Variants in LINGO2 observed in about 807,000 individuals in gnomAD.
The protein encoded by LINGO2 is leucine-rich repeat and immunoglobulin-like domain-containing nogo receptor-interacting protein 2.
A neutral mutation model predicts 30.6 loss-of-function variants in LINGO2; 14 were observed. The observed-to-expected ratio is 0.46, with a 90% confidence interval of 0.30 to 0.72. The LOEUF is 0.72. Ranked by LOEUF, LINGO2 falls within the 30% of genes least tolerant of loss-of-function variation. The pLI, the probability that LINGO2 is intolerant of heterozygous loss-of-function variation, is 0.07. For missense variants in LINGO2, 729 were observed against 751.7 expected (o/e 0.97, Z 0.35); for synonymous variants, 317 against 288.5 (o/e 1.10, Z -1.00).
chr9:27,944,686 A>G (rs1035895054), downstream of LINGO2, among the ~76,000 whole-genome samples: 1 of 152,202 alleles, frequency 6.6e-6, no homozygotes, highest in Non-Finnish European at 1.5e-5. Flanking sequence ...AACCAGGCAC[A>G]TGATGTATGA....
chr9:27,974,701 C>G (rs2118817738), intron 5 of LINGO2, among the ~76,000 whole-genome samples: 1 of 152,124 alleles, frequency 6.6e-6, no homozygotes, highest in East Asian at 1.9e-4. Flanking sequence ...GCTTAACAAA[C>G]AGGGAGCAGG....
At chr9:28,869,375 C>G in the LINGO2 span, among the ~76,000 whole-genome samples, 2 of 151,872 alleles carry the variant, frequency 1.3e-5, no homozygotes, top group Non-Finnish European at 2.9e-5. Context: ...TCAAAAGAGA[C>G]GAAGCCTGAC....
Position 28,472,998 on chromosome 9 carries a change from A to G in LINGO2, c.-279+2942T>C, listed in dbSNP as rs540865619. On this transcript the variant is annotated intron_variant, in intron 2 of 5. Coordinates refer to ENST00000379992, the Ensembl canonical transcript of LINGO2. ...CTAAAACATTTTTTCTGCTTTCTGT[A>G]TTAACTCTTGCTTTATATATGCTTT... Among the ~76,000 whole-genome samples, 18 of 152,262 alleles carry G rather than the reference A, an allele frequency of 1.2e-4. No homozygotes were observed. In the East Asian group the frequency reaches 3.3e-3, roughly 28 times the overall value.
intron 1 of LINGO2, among the ~76,000 whole-genome samples, chr9:28,548,502 G>C (rs967256597): frequency 6.6e-6 from 1 of 151,796 alleles, no homozygotes; most frequent in Non-Finnish European, 1.5e-5. Flanking sequence ...GCAAGAGATT[G>C]AGGCCATCCT....
chr9:29,148,021 G>A, the LINGO2 span, among the ~76,000 whole-genome samples: 8 of 152,022 alleles, frequency 5.3e-5, no homozygotes, highest in Non-Finnish European at 1.2e-4. Flanking sequence ...TATATCTGAA[G>A]AGTAGCCAAT....
the LINGO2 span, among the ~76,000 whole-genome samples, chr9:28,919,450 T>A: frequency 6.6e-6 from 1 of 152,146 alleles, no homozygotes; most frequent in South Asian, 2.1e-4. Flanking sequence ...TAGCATGAAA[T>A]CTGCTATGAA....
Position 28,592,924 on chromosome 9 carries a change from C to G in LINGO2, c.-365+77276G>C, listed in dbSNP as rs1587927126. On this transcript the variant is annotated intron_variant, in intron 1 of 5. Transcript: ENST00000379992. ...TCTATTGGCTCTCTGCCACGTGTAA[C>G]ATGCCATTTGAGCCAATGGAACTAT... Among the ~76,000 whole-genome samples the G allele has an allele frequency of 3.3e-5, 5 of 152,176 alleles. No individual in the cohort carries two copies. In the South Asian group the frequency reaches 1.0e-3, roughly 32 times the overall value.
At chr9:28,048,399 A>G (rs1342893276) in intron 4 of LINGO2, among the ~76,000 whole-genome samples, 1 of 150,904 alleles carries the variant, frequency 6.6e-6, no homozygotes, top group Non-Finnish European at 1.5e-5. Context: ...TGAACATCAA[A>G]ATTACATAAA....
intron 1 of LINGO2, among the ~76,000 whole-genome samples, chr9:28,506,515 T>TATTGATATATAG: frequency 9.9e-6 from 1 of 100,606 alleles, no homozygotes; most frequent in South Asian, 3.3e-4. Context: ...CATATATATA[T>TATTGATATATAG]ATATATAAAC....
chr9:28,907,611 A>T, the LINGO2 span, among the ~76,000 whole-genome samples: 1 of 151,794 alleles, frequency 6.6e-6, no homozygotes, highest in African/African-American at 2.4e-5. Context: ...AATATACAAG[A>T]TGTATGATAG....
chr9:28,031,885 C>CA (rs1384826942), intron 4 of LINGO2, among the ~76,000 whole-genome samples: 2 of 152,144 alleles, frequency 1.3e-5, no homozygotes, highest in Non-Finnish European at 2.9e-5. Flanking sequence ...CATGATGCTC[C>CA]AAATCCTCCT....
intron 1 of LINGO2, among the ~76,000 whole-genome samples, chr9:28,530,302 A>T (rs1821182528): frequency 6.6e-6 from 1 of 152,176 alleles, no homozygotes; most frequent in South Asian, 2.1e-4. Context: ...ACCATGTGCC[A>T]TCTGCCATTC....
chr9:28,756,080 C>T, the LINGO2 span, among the ~76,000 whole-genome samples: 5 of 151,924 alleles, frequency 3.3e-5, no homozygotes, highest in Non-Finnish European at 5.9e-5. Flanking sequence ...GTGAGATGAT[C>T]CTGAAATCAC....
chr9:28,422,626 A>G (rs1343420465), intron 2 of LINGO2, among the ~76,000 whole-genome samples: 1 of 152,092 alleles, frequency 6.6e-6, no homozygotes. Context: ...GTCCACAAAA[A>G]CTTAAAAACA....
chr9:28,053,472 C>A (rs1824772370), intron 4 of LINGO2, among the ~76,000 whole-genome samples: 1 of 152,090 alleles, frequency 6.6e-6, no homozygotes, highest in African/African-American at 2.4e-5. Flanking sequence ...TTATTCACAT[C>A]TTGACAAAAA....
intron 3 of LINGO2, among the ~76,000 whole-genome samples, chr9:28,365,517 A>T (rs1020035375): frequency 3.3e-5 from 5 of 152,238 alleles, no homozygotes; most frequent in Non-Finnish European, 7.4e-5. Context: ...CCACGTTCCT[A>T]ACCTGGAATG....
At chr9:28,214,945 C>T (rs1820713040) in intron 4 of LINGO2, among the ~76,000 whole-genome samples, 1 of 151,580 alleles carries the variant, frequency 6.6e-6, no homozygotes. Flanking sequence ...AATGTGAGCA[C>T]CAGAGGGATT....
chr9:29,169,935 C>G, the LINGO2 span, among the ~76,000 whole-genome samples: 2 of 152,036 alleles, frequency 1.3e-5, no homozygotes, highest in Non-Finnish European at 2.9e-5. Flanking sequence ...GAGGCTCAAG[C>G]AGTGAGCCAA....
intron 4 of LINGO2, among the ~76,000 whole-genome samples, chr9:28,086,886 C>T (rs1004463961): frequency 1.3e-5 from 2 of 152,074 alleles, no homozygotes; most frequent in Admixed American, 6.6e-5. Flanking sequence ...ATAAAAATGG[C>T]TCCAATTCTT....
Sources: allele counts gnomAD v4.1 joint callset (sites outside exome capture counted in the v4.1 genomes callset), GRCh38; gene constraint gnomAD v4.1.1; transcripts MANE v1.5; gene names NCBI Gene and HGNC (gene_info 2026-07-23, HGNC 2026-07-21).